Variants in GALNT13 observed in about 807,000 individuals in gnomAD.
GALNT13 encodes the protein polypeptide N-acetylgalactosaminyltransferase 13, also known as UDP-GalNAc:polypeptide N-acetylgalactosaminyltransferase 13.
A neutral mutation model predicts 64.2 loss-of-function variants in GALNT13; 28 were observed. The observed-to-expected ratio is 0.44, with a 90% CI of 0.32 to 0.60. GALNT13 has a LOEUF of 0.60. Among genes scored for constraint, GALNT13 ranks in the 20% least tolerant of loss-of-function variants. GALNT13 has a pLI of 0.05. For synonymous variants in GALNT13, 214 were observed against 224.6 expected (o/e 0.95, Z 0.42); for missense variants, 577 against 669.8 (o/e 0.86, Z 1.53).
chr2:153,592,890 G>A, the GALNT13 span: 1 of 152,286 alleles, frequency 6.6e-6, no homozygotes, highest in African/African-American at 2.4e-5. Flanking sequence ...AGAGCCGGGT[G>A]AAATACAGGG....
the GALNT13 span, among the ~76,000 whole-genome samples, chr2:153,124,971 T>C: frequency 6.6e-6 from 1 of 152,200 alleles, no homozygotes; most frequent in African/African-American, 2.4e-5. Context: ...ATGATGAAGC[T>C]ATCGTTGTAT....
the GALNT13 span, among the ~76,000 whole-genome samples, chr2:153,715,492 T>C: frequency 6.6e-6 from 1 of 152,286 alleles, no homozygotes; most frequent in Non-Finnish European, 1.5e-5. Context: ...TAGATGCTAA[T>C]GGCTTTGCAG....
chr2:154,390,282 A>C (rs1390873533), intron 9 of GALNT13, among the ~76,000 whole-genome samples: 1 of 152,190 alleles, frequency 6.6e-6, no homozygotes, highest in Admixed American at 6.5e-5. Flanking sequence ...TACATGAGTA[A>C]ACTTGTGTCA....
At chr2:153,748,566 T>C in the GALNT13 span, among the ~76,000 whole-genome samples, 2 of 152,170 alleles carry the variant, frequency 1.3e-5, no homozygotes, top group Non-Finnish European at 2.9e-5. Flanking sequence ...GATATTTTTA[T>C]GTCTTCTTTT....
At chr2:153,604,073 A>T in the GALNT13 span, among the ~76,000 whole-genome samples, 8,488 of 152,072 alleles carry the variant, frequency 0.056, 320 homozygotes, top group East Asian at 0.17. Context: ...CAATGTAAAG[A>T]TGGCTAGTCA....
the GALNT13 span, among the ~76,000 whole-genome samples, chr2:153,464,611 A>G: frequency 2.0e-5 from 3 of 152,074 alleles, no homozygotes; most frequent in Non-Finnish European, 4.4e-5. Flanking sequence ...TATAGCGAGC[A>G]GTATTTAAGC....
At chr2:153,711,934 A>G in the GALNT13 span, among the ~76,000 whole-genome samples, 1 of 152,210 alleles carries the variant, frequency 6.6e-6, no homozygotes, top group Admixed American at 6.5e-5. Context: ...GCTGAGAAGA[A>G]AACAAGTGAT....
intron 4 of GALNT13, among the ~76,000 whole-genome samples, chr2:154,184,626 A>G (rs946864875): frequency 6.6e-6 from 1 of 152,122 alleles, no homozygotes. Context: ...TTGTAAAGAA[A>G]AGGGATTTAT....
intron 4 of GALNT13, among the ~76,000 whole-genome samples, chr2:154,196,533 A>C (rs1686888636): frequency 6.6e-6 from 1 of 152,212 alleles, no homozygotes; most frequent in South Asian, 2.1e-4. Flanking sequence ...GAGGCAGCAT[A>C]AAGATAGAAA....
chr2:153,716,038 G>A, the GALNT13 span, among the ~76,000 whole-genome samples: 1 of 152,190 alleles, frequency 6.6e-6, no homozygotes, highest in Non-Finnish European at 1.5e-5. Flanking sequence ...GGTAACAAAA[G>A]TTTGAGGATC....
At chr2:154,205,381 G>T (rs1358108629) in intron 4 of GALNT13, among the ~76,000 whole-genome samples, 1 of 152,144 alleles carries the variant, frequency 6.6e-6, no homozygotes, top group South Asian at 2.1e-4. Flanking sequence ...CTGAGCAATT[G>T]AAATGTTGCT....
rs11463218 is a variant in GALNT13, at chr2:154,093,669, C to CTT, written c.143-46655_143-46654dup. Among the ~76,000 whole-genome samples the CTT allele has an allele frequency of 3.5e-3, 492 of 142,280 alleles. 6 individuals carry two copies. The highest frequency in any genetic ancestry group is 0.013 in the East Asian group (64 of 4,862). 93.3% of individuals were successfully genotyped at this position (142,280 alleles called of 152,430 possible). A position where few individuals can be genotyped will look rare whatever the true frequency, so the allele number is the denominator to read the frequency against. On this transcript the variant is annotated intron_variant, in intron 3 of 12. Coordinates refer to ENST00000392825, the MANE Select transcript of GALNT13 (RefSeq NM_052917.4). ...TAAAGCATTTTGCCACACATTATTT[C>CTT]TTTTTTTTTTTTTTCATCGGACTCT... is the stretch of plus-strand genomic sequence containing the variant.
chr2:153,729,357 C>G, the GALNT13 span, among the ~76,000 whole-genome samples: 2 of 152,062 alleles, frequency 1.3e-5, no homozygotes, highest in African/African-American at 4.8e-5. Flanking sequence ...TGTTCAGTCT[C>G]TTAATGCTAT....
chr2:153,889,432 C>A (rs1352543179), intron 1 of GALNT13, among the ~76,000 whole-genome samples: 1 of 151,812 alleles, frequency 6.6e-6, no homozygotes, highest in African/African-American at 2.4e-5. Flanking sequence ...CCTCACCCCA[C>A]ACTAACACAC....
chr2:153,182,747 A>C, the GALNT13 span, among the ~76,000 whole-genome samples: 1 of 152,206 alleles, frequency 6.6e-6, no homozygotes, highest in African/African-American at 2.4e-5. Context: ...TTTGCTGAGG[A>C]TCATGGCTTC....
chr2:153,869,467 T>C (rs1342856481), upstream of GALNT13, among the ~76,000 whole-genome samples: 2 of 152,186 alleles, frequency 1.3e-5, no homozygotes, highest in Non-Finnish European at 2.9e-5. Context: ...TTGAAAAGTA[T>C]AGGCAAGATA....
intron 3 of GALNT13, among the ~76,000 whole-genome samples, chr2:154,047,461 G>A (rs1558929240): frequency 6.6e-6 from 1 of 152,126 alleles, no homozygotes; most frequent in Non-Finnish European, 1.5e-5. Context: ...ATGTGCTATG[G>A]TTTAAATCCT....
chr2:153,983,313 A>G (rs1172152267), intron 3 of GALNT13, among the ~76,000 whole-genome samples: 1 of 151,832 alleles, frequency 6.6e-6, no homozygotes, highest in Admixed American at 6.6e-5. Context: ...GTATGAAAAT[A>G]TTATCAATTC....
chr2:153,500,429 T>A, the GALNT13 span, among the ~76,000 whole-genome samples: 1 of 152,210 alleles, frequency 6.6e-6, no homozygotes, highest in African/African-American at 2.4e-5. Flanking sequence ...GGAGATTGGC[T>A]TCAGTTAGCT....
Sources: allele counts gnomAD v4.1 joint callset (sites outside exome capture counted in the v4.1 genomes callset), GRCh38; gene constraint gnomAD v4.1.1; transcripts MANE v1.5; gene names NCBI Gene and HGNC (gene_info 2026-07-23, HGNC 2026-07-21).